DDX60L: variants seen among roughly 807,000 people sequenced by gnomAD.
DDX60L encodes the protein DExD/H-box 60 like.
DDX60L carries 191 observed loss-of-function variants against 211.6 expected under a neutral mutation model. The observed-to-expected ratio is 0.90, with a 90% CI of 0.80 to 1.02. DDX60L has a LOEUF of 1.02. Among genes scored for constraint, DDX60L ranks in the 50% least tolerant of loss-of-function variants. The pLI, the probability that DDX60L is intolerant of heterozygous loss-of-function variation, is 0.00. For missense variants in DDX60L, 2,007 were observed against 1,984.1 expected (o/e 1.01, Z -0.22); for synonymous variants, 706 against 694.1 (o/e 1.02, Z -0.27).
At position 168,373,776 on chromosome 4, in the gene DDX60L, G is replaced by T. The variant is rs764570077; in HGVS notation, c.4666C>A (p.Leu1556Ile). ...FTGKECEDSQ[L>I]VSHLMSCKKG... ...TTGCAGCTCATCAAGTGAGACACGA[G>T]TTGGGAGTCTTCACATTCTTTACCT... The change falls in exon 35 of 38, where the codon CTC becomes ATC. Residue 1556 changes from leucine to isoleucine, a missense_variant. By Grantham distance (5) the Leu-to-Ile change is conservative (BLOSUM62 2). Transcript: ENST00000682922. The T allele has an allele frequency of 5.0e-6, 8 of 1,613,860 alleles. No individual in the cohort carries two copies. In the Admixed American group the frequency reaches 1.3e-4, roughly 27 times the overall value.
intron 9 of DDX60L, among the ~76,000 whole-genome samples, 181 bp downstream of exon 9, chr4:168,448,454 TATC>T (rs1486023351): frequency 6.6e-6 from 1 of 152,170 alleles, no homozygotes; most frequent in East Asian, 1.9e-4. Context: ...TAGCATATCA[TATC>T]ATAGCATTAT....
intron 30 of DDX60L, among the ~76,000 whole-genome samples, chr4:168,381,552 G>T (rs1742955719): frequency 6.7e-6 from 1 of 150,058 alleles, no homozygotes; most frequent in Non-Finnish European, 1.5e-5. Flanking sequence ...AAATTGAAAA[G>T]GTTCTGAATA....
chr4:168,420,191 T>C, intron 18 of DDX60L, 70 bp downstream of exon 18: 1 of 1,254,668 alleles, frequency 8.0e-7, no homozygotes, highest in Non-Finnish European at 1.1e-6. Flanking sequence ...TTTTGCAGAT[T>C]CCCAGCAAAA....
chr4:168,401,247 G>T (rs1746754379), intron 25 of DDX60L, among the ~76,000 whole-genome samples: 3 of 152,120 alleles, frequency 2.0e-5, no homozygotes, highest in Admixed American at 6.5e-5. Flanking sequence ...CCAGCTACCT[G>T]GAGGCTTCAT....
chr4:168,456,181 C>A, intron 6 of DDX60L, 29 bp from the exon 7 acceptor site: 2 of 1,346,764 alleles, frequency 1.5e-6, no homozygotes, highest in South Asian at 2.9e-5. Context: ...CTTCAAATGT[C>A]AAATTATTTA....
chr4:168,459,961 CA>C (rs1757106613), intron 5 of DDX60L, among the ~76,000 whole-genome samples: 1 of 151,768 alleles, frequency 6.6e-6, no homozygotes. Context: ...GTCTTAATTA[CA>C]TGAAGAATGT....
At chr4:168,443,337 A>C (rs887826296) in intron 9 of DDX60L, among the ~76,000 whole-genome samples, 1 of 152,008 alleles carries the variant, frequency 6.6e-6, no homozygotes, top group Non-Finnish European at 1.5e-5. Flanking sequence ...AAAAAGAATA[A>C]AAAGAAATGA....
chr4:168,380,087 A>T, intron 30 of DDX60L: 1 of 328,572 alleles, frequency 3.0e-6, no homozygotes, highest in Non-Finnish European at 5.5e-6. Context: ...TCCCTGAAAC[A>T]GTGGTGACCA....
At chr4:168,391,433 T>TA in intron 29 of DDX60L, 107 bp downstream of exon 29, 1 of 733,782 alleles carries the variant, frequency 1.4e-6, no homozygotes, top group Non-Finnish European at 2.4e-6. Context: ...ACATAGAAAG[T>TA]AAAAGGAAGG....
intron 4 of DDX60L, among the ~76,000 whole-genome samples, chr4:168,465,569 C>G (rs1041800948): frequency 6.6e-6 from 1 of 152,106 alleles, no homozygotes; most frequent in Non-Finnish European, 1.5e-5. Flanking sequence ...GATCTTCACA[C>G]TAACCAATGT....
chr4:168,396,132 T>TG lies in DDX60L; in HGVS notation c.3492-9_3492-8insC. 7.5e-7 allele frequency: 1 copy of TG among 1,333,506 alleles called. No homozygotes were observed. The highest frequency in any genetic ancestry group is 1.5e-5 in the South Asian group (1 of 68,246). The allele number at this position is 1,333,506 out of a possible 1,614,324, so 82.6% of individuals were successfully genotyped here. On this transcript the variant is annotated splice_polypyrimidine_tract_variant and intron_variant, in intron 26 of 37. Coordinates refer to ENST00000682922, the MANE Select transcript of DDX60L (RefSeq NM_001012967.3). The stretch of plus-strand genomic sequence containing the variant: ...TTTGGGTTTTTTTTAGTGCTACTAT[T>TG]TAAAAAAAAAAAAAAACTTTTAAGT...
intron 9 of DDX60L, among the ~76,000 whole-genome samples, chr4:168,442,476 G>C (rs983681283): frequency 3.9e-4 from 60 of 152,234 alleles, no homozygotes; most frequent in Admixed American, 1.4e-3. Context: ...GCCCAGGCTT[G>C]ATTAGGTAAA....
intron 4 of DDX60L, among the ~76,000 whole-genome samples, chr4:168,462,279 T>C (rs1442616237): frequency 6.6e-6 from 1 of 152,200 alleles, no homozygotes; most frequent in Non-Finnish European, 1.5e-5. Context: ...TCTAATTCTT[T>C]TACTATCTAT....
intron 30 of DDX60L, among the ~76,000 whole-genome samples, chr4:168,381,102 T>C (rs1430826894): frequency 6.6e-6 from 1 of 152,176 alleles, no homozygotes; most frequent in Non-Finnish European, 1.5e-5. Flanking sequence ...AGAAATCACC[T>C]GAAACTAGAA....
At position 168,357,838 on chromosome 4, in the gene DDX60L, A is replaced by T. The variant is rs647736; in HGVS notation, c.*309T>A. 0.74 allele frequency: 144,972 copies of T among 196,630 alleles called. 54,679 individuals carry two copies. Among genetic ancestry groups the T allele is most frequent in the East Asian group, 0.85 (5,906 of 6,960 alleles). 12.2% of individuals were successfully genotyped at this position (196,630 alleles called of 1,614,324 possible). A position where few individuals can be genotyped will look rare whatever the true frequency, so the allele number is the denominator to read the frequency against. On this transcript the variant is annotated 3_prime_UTR_variant, in exon 38 of 38. Transcript: ENST00000682922. ...CTAATTTTGCTATACATTAACTACT[A>T]AAAAAACCACTACCGTTCATTAAGT...
intron 24 of DDX60L, among the ~76,000 whole-genome samples, chr4:168,405,260 A>G (rs1361336757): frequency 6.6e-6 from 1 of 152,134 alleles, no homozygotes; most frequent in Admixed American, 6.5e-5. Flanking sequence ...CACTCGCCTC[A>G]GCTTCCCAAA....
intron 26 of DDX60L, among the ~76,000 whole-genome samples, chr4:168,397,732 A>G (rs185681654): frequency 6.6e-6 from 1 of 152,356 alleles, no homozygotes; most frequent in Non-Finnish European, 1.5e-5. Context: ...GCAGTGGCTA[A>G]TCTGGAGCGG....
chr4:168,413,070 A>G (rs777477858), intron 22 of DDX60L, among the ~76,000 whole-genome samples: 15 of 152,240 alleles, frequency 9.9e-5, no homozygotes, highest in Non-Finnish European at 2.1e-4. Flanking sequence ...AAGGACAAGT[A>G]CAAATAAGCC....
intron 25 of DDX60L, among the ~76,000 whole-genome samples, chr4:168,401,581 C>G (rs1746822128): frequency 6.6e-6 from 1 of 152,186 alleles, no homozygotes; most frequent in Non-Finnish European, 1.5e-5. Flanking sequence ...TCTTCAAATA[C>G]TTTAGGGAGT....
Sources: gnomAD v4.1 joint callset for allele counts (sites outside exome capture counted in the v4.1 genomes callset) on GRCh38, gnomAD v4.1.1 for gene constraint, MANE v1.5 for transcripts, NCBI Gene and HGNC (gene_info 2026-07-23, HGNC 2026-07-21) for gene names.